The following NHSL2 variants were observed in gnomAD, a reference collection of about 807,000 sequenced individuals.
NHSL2 encodes NHS like 2.
NHSL2 carries 27 observed loss-of-function variants against 53.4 expected under a neutral mutation model. The ratio of observed to expected loss-of-function variants is 0.51; its 90% CI spans 0.37 to 0.70. The LOEUF is 0.70. NHSL2 is among the 30% of genes least tolerant of loss of function. NHSL2 has a pLI of 0.00. For synonymous variants in NHSL2, 408 were observed against 404.1 expected, an observed-to-expected ratio of 1.01 and a Z score of -0.12; for missense variants, 892 against 980.1, an observed-to-expected ratio of 0.91 and a Z score of 1.20.
chrX:72,089,627 G>A (rs1193576936), intron 1 of NHSL2, among the ~76,000 whole-genome samples: 1 of 111,101 alleles, frequency 9.0e-6, no homozygotes, highest in African/African-American at 3.3e-5. Flanking sequence ...CCAGAGGAAA[G>A]TGTGAAGGGG....
intron 1 of NHSL2, among the ~76,000 whole-genome samples, chrX:72,093,721 GCTTTCTTTCTTT>G (rs545225009): frequency 0.03 from 2,884 of 95,309 alleles, 48 homozygotes; most frequent in Non-Finnish European, 0.04. Context: ...TAGCTTGCTT[GCTTTCTTTCTTT>G]CTTTCTTTCT....
intron 1 of NHSL2, among the ~76,000 whole-genome samples, chrX:72,010,360 A>G (rs764619330): frequency 8.9e-6 from 1 of 112,403 alleles, no homozygotes; most frequent in South Asian, 3.7e-4. Context: ...ACAGATATGC[A>G]TTTCTAGAAC....
intron 1 of NHSL2, among the ~76,000 whole-genome samples, chrX:71,972,085 A>G (rs1472238384): frequency 1.9e-5 from 2 of 107,998 alleles, no homozygotes; most frequent in African/African-American, 6.8e-5. Context: ...TCCAGGCTGG[A>G]GTGCAATGGT....
Position 72,126,221 on chromosome X carries a change from C to T in NHSL2, c.281-5858C>T, listed in dbSNP as rs201726491. On this transcript the variant is annotated intron_variant, in intron 1 of 7. Coordinates refer to ENST00000633930, the MANE Select transcript of NHSL2 (RefSeq NM_001013627.3). Reference sequence around the variant, plus strand: ...CTGAAACCAGGGTTTGTTTCCCCCACGGGAATCCTGCAAGCTGGAGGCAGG... The same window carrying T: ...CTGAAACCAGGGTTTGTTTCCCCCATGGGAATCCTGCAAGCTGGAGGCAGG... 7.2e-5 allele frequency among the ~76,000 whole-genome samples: 8 copies of T among 111,779 alleles called. No individual in the cohort carries two copies. The East Asian group carries it at 8.4e-4, about 12-fold the overall frequency.
chrX:72,034,292 G>C (rs1301365532), intron 1 of NHSL2, among the ~76,000 whole-genome samples: 1 of 111,955 alleles, frequency 8.9e-6, no homozygotes, highest in Non-Finnish European at 1.9e-5. Context: ...ACTTGGTCAT[G>C]GTGTATAATT....
intron 1 of NHSL2, among the ~76,000 whole-genome samples, chrX:71,927,545 C>G (rs1409260405): frequency 9.1e-6 from 1 of 110,137 alleles, no homozygotes; most frequent in Non-Finnish European, 1.9e-5. Flanking sequence ...TACTTGTTTT[C>G]TTTCTTTTTT....
intron 1 of NHSL2, among the ~76,000 whole-genome samples, chrX:72,116,807 C>T (rs890283227): frequency 5.5e-5 from 6 of 109,208 alleles, no homozygotes. Context: ...CATGGGGTCT[C>T]CCTCATCCTC....
chrX:72,147,440 TG>T lies in NHSL2; in HGVS notation c.*3870del, dbSNP rs1329297828. Reference sequence around the variant, plus strand: ...ATGAACAAGTATAGTCCTTCTGATTTGGGGTCGGGGGTTAACTCCCTATCTC... The same window carrying T: ...ATGAACAAGTATAGTCCTTCTGATTTGGGTCGGGGGTTAACTCCCTATCTC... On this transcript the variant is annotated 3_prime_UTR_variant, in exon 8 of 8. Coordinates refer to ENST00000633930, the MANE Select transcript of NHSL2 (RefSeq NM_001013627.3). The T allele has an allele frequency of 8.9e-6, 1 of 112,530 alleles. No homozygotes were observed. Among genetic ancestry groups the T allele is most frequent in the Non-Finnish European group, 1.9e-5 (1 of 53,302 alleles). The allele number at this position is 112,530 out of a possible 1,213,427, so 9.3% of individuals were successfully genotyped here.
At position 72,091,494 on chromosome X, in the gene NHSL2, A is replaced by G. The variant is rs775232116; in HGVS notation, c.281-40585A>G. Among the ~76,000 whole-genome samples, 3 of 111,861 alleles carry G rather than the reference A, an allele frequency of 2.7e-5. No homozygotes were observed. In the East Asian group the frequency reaches 8.4e-4, roughly 31 times the overall value. On this transcript the variant is annotated intron_variant, in intron 1 of 7. Transcript: ENST00000633930. ...TTTGACGGTTAATGCCAAACTGCCC[A>G]CCAAAGAAGTTGTTTCAGTTGACCC... is the stretch of plus-strand genomic sequence containing the variant.
intron 1 of NHSL2, among the ~76,000 whole-genome samples, chrX:71,920,318 A>G (rs2041651043): frequency 8.9e-6 from 1 of 112,052 alleles, no homozygotes; most frequent in South Asian, 3.7e-4. Context: ...GCACCTAGAG[A>G]GTTTTTTTAA....
intron 1 of NHSL2, among the ~76,000 whole-genome samples, chrX:71,935,057 A>G (rs2147825085): frequency 9.0e-6 from 1 of 111,547 alleles, no homozygotes; most frequent in South Asian, 3.8e-4. Context: ...GCACACCCAC[A>G]TGTTCACAAA....
intron 1 of NHSL2, among the ~76,000 whole-genome samples, chrX:72,054,073 G>C (rs1312701103): frequency 9.0e-6 from 1 of 111,000 alleles, no homozygotes; most frequent in African/African-American, 3.3e-5. Flanking sequence ...AGGCCTCACT[G>C]AACACCTGCT....
At chrX:71,969,307 TTTTTTTTTTTTC>T (rs1175879792) in intron 1 of NHSL2, among the ~76,000 whole-genome samples, 9 of 93,129 alleles carry the variant, frequency 9.7e-5, no homozygotes, top group African/African-American at 3.0e-4. Flanking sequence ...TCTTTTTTTC[TTTTTTTTTTTTC>T]TTTTTTTTTT....
chrX:72,052,372 C>T (rs2042345627), intron 1 of NHSL2, among the ~76,000 whole-genome samples: 1 of 112,626 alleles, frequency 8.9e-6, no homozygotes, highest in South Asian at 3.6e-4. Context: ...GCTTGCATGG[C>T]AGGTCGGGCA....
At chrX:72,065,052 C>T (rs1170890439) in intron 1 of NHSL2, among the ~76,000 whole-genome samples, 3 of 111,299 alleles carry the variant, frequency 2.7e-5, no homozygotes, top group African/African-American at 9.8e-5. Flanking sequence ...CCTCCAGCAC[C>T]CTACCCAACC....
rs2041887471 is a variant in NHSL2 at position 71,964,030 on chromosome X, T to TATAC, written c.280+52666_280+52667insCATA. ...ATATATGTATATATATATATGTGTA[T>TATAC]ATATATATATATGTATATATATATA... On this transcript the variant is annotated intron_variant, in intron 1 of 7. Coordinates refer to ENST00000633930, the MANE Select transcript of NHSL2 (RefSeq NM_001013627.3). Among the ~76,000 whole-genome samples the TATAC allele has an allele frequency of 1.8e-4, 6 of 33,724 alleles. 1 individual carries two copies. In the South Asian group the frequency reaches 7.0e-3, roughly 39 times the overall value. 29.3% of individuals were successfully genotyped at this position (33,724 alleles called of 115,157 possible). A position where few individuals can be genotyped will look rare whatever the true frequency, so the allele number is the denominator to read the frequency against.
chrX:72,062,729 C>T (rs1470311182), intron 1 of NHSL2, among the ~76,000 whole-genome samples: 1 of 112,349 alleles, frequency 8.9e-6, no homozygotes, highest in Non-Finnish European at 1.9e-5. Flanking sequence ...TGGTGCTGGT[C>T]GATCCCAAGG....
intron 1 of NHSL2, among the ~76,000 whole-genome samples, chrX:71,975,093 G>A (rs1278609164): frequency 9.0e-6 from 1 of 111,723 alleles, no homozygotes; most frequent in East Asian, 2.8e-4. Context: ...TCATATGCTG[G>A]CCGCAGGACT....
intron 1 of NHSL2, among the ~76,000 whole-genome samples, chrX:72,087,590 G>A (rs180672811): frequency 2.7e-5 from 3 of 112,883 alleles, no homozygotes; most frequent in Admixed American, 9.3e-5. Flanking sequence ...TAAAAGTTGG[G>A]GCCAGGCGCG....
Sources: allele counts gnomAD v4.1 joint callset (sites outside exome capture counted in the v4.1 genomes callset), GRCh38; gene constraint gnomAD v4.1.1; transcripts MANE v1.5; gene names NCBI Gene and HGNC (gene_info 2026-07-23, HGNC 2026-07-21).